Variants in RPH3A observed in about 807,000 individuals in gnomAD.
The protein encoded by RPH3A is rabphilin-3A.
RPH3A carries 48 observed loss-of-function variants against 102.2 expected under a neutral mutation model. The ratio of observed to expected loss-of-function variants is 0.47; its 90% CI spans 0.37 to 0.60. The LOEUF (loss-of-function observed/expected upper bound fraction) is 0.60, where lower values mean the gene tolerates loss of function less well. Ranked by LOEUF, RPH3A falls within the 20% of genes least tolerant of loss-of-function variation. The pLI is 0.00. For missense variants in RPH3A, 781 were observed against 910.1 expected, an observed-to-expected ratio of 0.86 and a Z score of 1.83; for synonymous variants, 310 against 324.3, an observed-to-expected ratio of 0.96 and a Z score of 0.47.
chr12:112,790,389 A>T (rs1163428234), upstream of RPH3A, among the ~76,000 whole-genome samples: 1 of 152,156 alleles, frequency 6.6e-6, no homozygotes, highest in Non-Finnish European at 1.5e-5. Context: ...TGTTTTTTAA[A>T]TGAGCTCTAA....
At chr12:112,682,093 T>C (rs1291723924) in intron 1 of RPH3A, among the ~76,000 whole-genome samples, 2 of 152,192 alleles carry the variant, frequency 1.3e-5, no homozygotes, top group Non-Finnish European at 2.9e-5. Context: ...CAGGTGAATG[T>C]AGGTTGTATT....
At chr12:112,650,799 G>T (rs1180958430) in intron 1 of RPH3A, 1 of 151,362 alleles carries the variant, frequency 6.6e-6, no homozygotes, top group African/African-American at 2.4e-5. Context: ...GCAGATCATA[G>T]TTCACCGCAA....
At chr12:112,649,562 C>T (rs2039958755) in intron 1 of RPH3A, 3 of 152,202 alleles carry the variant, frequency 2.0e-5, no homozygotes, top group Admixed American at 2.0e-4. Flanking sequence ...AGGCCCAGTC[C>T]TAAGCAATAT....
intron 1 of RPH3A, among the ~76,000 whole-genome samples, chr12:112,704,302 C>G (rs1392875069): frequency 6.6e-6 from 1 of 152,146 alleles, no homozygotes; most frequent in East Asian, 1.9e-4. Context: ...GTTGGGCAGG[C>G]TGGTCTCGAA....
chr12:112,875,033 G>A, intron 10 of RPH3A, 51 bp from the exon 11 acceptor site: 2 of 957,070 alleles, frequency 2.1e-6, no homozygotes, highest in South Asian at 4.2e-5. Flanking sequence ...CCTTCCTGCT[G>A]TGTGTGTGTG....
chr12:112,636,602 T>C (rs961298859), intron 1 of RPH3A, among the ~76,000 whole-genome samples: 1 of 152,140 alleles, frequency 6.6e-6, no homozygotes, highest in Non-Finnish European at 1.5e-5. Context: ...ATACCAACAG[T>C]GCCTCTGTTG....
chr12:112,812,300 G>A (rs1210355342), intron 2 of RPH3A, among the ~76,000 whole-genome samples: 1 of 152,172 alleles, frequency 6.6e-6, no homozygotes, highest in African/African-American at 2.4e-5. Flanking sequence ...AAACCAGGGT[G>A]TTAGTACCAG....
intron 1 of RPH3A, among the ~76,000 whole-genome samples, chr12:112,693,785 T>G (rs918592153): frequency 4.6e-5 from 7 of 152,220 alleles, no homozygotes; most frequent in Admixed American, 3.9e-4. Flanking sequence ...TTTTTCAAAA[T>G]GCTTACTGCC....
intron 1 of RPH3A, among the ~76,000 whole-genome samples, chr12:112,727,211 G>T (rs976934497): frequency 1.0e-4 from 15 of 150,696 alleles, no homozygotes; most frequent in Admixed American, 4.0e-4. Flanking sequence ...GAGACATATC[G>T]AAGAGGTGTT....
At chr12:112,640,644 TG>T (rs1276057989) in intron 1 of RPH3A, among the ~76,000 whole-genome samples, 2 of 152,212 alleles carry the variant, frequency 1.3e-5, no homozygotes, top group Non-Finnish European at 2.9e-5. Flanking sequence ...TTGAATCAAC[TG>T]TCAGAAAAAT....
chr12:112,865,889 G>A (rs61942350), intron 6 of RPH3A, among the ~76,000 whole-genome samples: 2,638 of 152,310 alleles, frequency 0.017, 29 homozygotes, highest in Non-Finnish European at 0.027. Flanking sequence ...AGCATGCTAA[G>A]CACATGTTTA....
chr12:112,839,174 A>G (rs956532509), intron 4 of RPH3A, among the ~76,000 whole-genome samples: 3 of 152,200 alleles, frequency 2.0e-5, no homozygotes, highest in African/African-American at 7.2e-5. Flanking sequence ...TTTGAGGCAG[A>G]TAAGAGTGGA....
chr12:112,691,304 G>C (rs193246635), intron 1 of RPH3A, among the ~76,000 whole-genome samples: 1 of 152,116 alleles, frequency 6.6e-6, no homozygotes, highest in Non-Finnish European at 1.5e-5. Context: ...GAGCCACCGC[G>C]CCCAGCCTTG....
intron 1 of RPH3A, among the ~76,000 whole-genome samples, chr12:112,751,893 AATG>A (rs1176402789): frequency 6.6e-6 from 1 of 152,226 alleles, no homozygotes; most frequent in Non-Finnish European, 1.5e-5. Context: ...GGGTTATTAA[AATG>A]ATGATGTGTA....
intron 2 of RPH3A, among the ~76,000 whole-genome samples, chr12:112,794,876 A>C (rs576040502): frequency 2.8e-4 from 43 of 152,304 alleles, no homozygotes; most frequent in Non-Finnish European, 5.9e-4. Context: ...GGTACAGAGG[A>C]AGGATGTTCA....
intron 4 of RPH3A, among the ~76,000 whole-genome samples, chr12:112,846,822 G>A (rs113417832): frequency 2.4e-4 from 36 of 152,320 alleles, no homozygotes; most frequent in African/African-American, 8.2e-4. Flanking sequence ...GTTCCCAGCA[G>A]CCTCTGATTC....
rs552411447 is a variant in RPH3A, at chr12:112,667,322, A to G, written c.-140+92003A>G. On this transcript the variant is annotated intron_variant, in intron 1 of 21. Transcript: ENST00000543106. ...TATATATATACTCACATCTTCACTT[A>G]AATGTTCATTAGGAAGCTCAAATAA... Among the ~76,000 whole-genome samples, 13 of 152,258 alleles carry G rather than the reference A, an allele frequency of 8.5e-5. No individual in the cohort carries two copies. The South Asian group carries it at 2.5e-3, about 29-fold the overall frequency.
intron 1 of RPH3A, among the ~76,000 whole-genome samples, chr12:112,581,351 T>C (rs2039399564): frequency 6.6e-6 from 1 of 152,082 alleles, no homozygotes; most frequent in Non-Finnish European, 1.5e-5. Context: ...TTCACTATCA[T>C]GAGAAAAACA....
chr12:112,843,613 G>C (rs2042182988), intron 4 of RPH3A, among the ~76,000 whole-genome samples: 1 of 152,190 alleles, frequency 6.6e-6, no homozygotes, highest in African/African-American at 2.4e-5. Context: ...ATTGACTTTA[G>C]GTCAGGCTGG....
Sources: gnomAD v4.1 joint callset for allele counts (sites outside exome capture counted in the v4.1 genomes callset) on GRCh38, gnomAD v4.1.1 for gene constraint, MANE v1.5 for transcripts, NCBI Gene and HGNC (gene_info 2026-07-23, HGNC 2026-07-21) for gene names.